The following EGFR variants were observed in gnomAD, a reference collection of about 807,000 sequenced individuals.
EGFR encodes epidermal growth factor receptor.
EGFR carries 58 observed loss-of-function variants against 143.0 expected under a neutral mutation model. The ratio of observed to expected loss-of-function variants is 0.41; its 90% CI spans 0.33 to 0.50. The LOEUF (loss-of-function observed/expected upper bound fraction) is 0.50, where lower values mean the gene tolerates loss of function less well. Ranked by LOEUF, EGFR falls within the 20% of genes least tolerant of loss-of-function variation. The pLI, the probability that EGFR is intolerant of heterozygous loss-of-function variation, is 0.39. For missense variants in EGFR, 1,307 were observed against 1,579.0 expected (o/e 0.83, Z 2.92); for synonymous variants, 613 against 594.4 (o/e 1.03, Z -0.45).
At chr7:55,194,544 G>T (rs907625697) in intron 22 of EGFR, among the ~76,000 whole-genome samples, 1 of 152,068 alleles carries the variant, frequency 6.6e-6, no homozygotes. Flanking sequence ...ATCTTTCTTT[G>T]GTCCTCCAGG....
chr7:55,019,469 C>T, intron 1 of EGFR, 104 bp downstream of exon 1: 1 of 581,582 alleles, frequency 1.7e-6, no homozygotes, highest in Non-Finnish European at 2.3e-6. Context: ...GCCCGCGCCC[C>T]CGCCCGTCCT....
At position 55,125,846 on chromosome 7, in the gene EGFR, C is replaced by T. The variant is rs558402808; in HGVS notation, c.89-16440C>T. Among the ~76,000 whole-genome samples the T allele has an allele frequency of 2.6e-5, 4 of 152,364 alleles. No individual in the cohort carries two copies. The South Asian group carries it at 8.3e-4, about 32-fold the overall frequency. On this transcript the variant is annotated intron_variant, in intron 1 of 27. Transcript: ENST00000275493. ...AAGCAGAGGCATTCTTAAAAACACA[C>T]ATCTGCACATGTTCCTCTTCATTTG...
At chr7:55,047,057 C>G (rs1788217329) in intron 1 of EGFR, among the ~76,000 whole-genome samples, 2 of 152,142 alleles carry the variant, frequency 1.3e-5, no homozygotes, top group South Asian at 4.2e-4. Flanking sequence ...GTTGAGACAC[C>G]TTGTAAAAGT....
intron 1 of EGFR, chr7:55,044,049 G>A (rs1788054573): frequency 6.6e-6 from 1 of 152,076 alleles, no homozygotes; most frequent in Non-Finnish European, 1.5e-5. Flanking sequence ...AATCAGTGGG[G>A]CCCTGGCCTT....
rs549376797 is a variant in EGFR at position 55,145,807 on chromosome 7, G to C, written c.425-799G>C. Among the ~76,000 whole-genome samples the C allele has an allele frequency of 4.6e-5, 7 of 152,326 alleles. No homozygotes were observed. The East Asian group carries it at 1.4e-3, about 29-fold the overall frequency. ...ACTGTGTCAGGGTCTCCCTGGGCAT[G>C]AGGTGGTTAGAGTGTGTGACATGTC... On this transcript the variant is annotated intron_variant, in intron 3 of 27. Coordinates refer to ENST00000275493, the MANE Select transcript of EGFR (RefSeq NM_005228.5).
chr7:55,156,417 T>C (rs1005883625), intron 8 of EGFR, 116 bp from the exon 9 acceptor site: 3 of 1,419,856 alleles, frequency 2.1e-6, no homozygotes, highest in African/African-American at 2.8e-5. Flanking sequence ...AAGGATGATG[T>C]GGCAGTGGCG....
chr7:55,077,247 T>C (rs912726012), intron 1 of EGFR, among the ~76,000 whole-genome samples: 7 of 152,170 alleles, frequency 4.6e-5, no homozygotes, highest in African/African-American at 1.2e-4. Context: ...GTGGTATTTT[T>C]AAACTGAGAC....
At chr7:55,151,454 T>G in intron 5 of EGFR, 92 bp downstream of exon 5, 1 of 1,348,384 alleles carries the variant, frequency 7.4e-7, no homozygotes, top group Non-Finnish European at 1.1e-6. Flanking sequence ...CTCTGAAGAC[T>G]CCAAAGAGTT....
At chr7:55,046,558 A>G (rs1032018117) in intron 1 of EGFR, among the ~76,000 whole-genome samples, 6 of 150,538 alleles carry the variant, frequency 4.0e-5, no homozygotes, top group Admixed American at 3.3e-4. Flanking sequence ...TGTTCCTTAG[A>G]CATGTGTTAG....
rs1171687800 is a variant in EGFR, at chr7:55,206,989, TA to T, written c.*1376del. ...TTTTAGAAGGAAAAAAGTTCCTTCC[TA>T]AAATAATTTCTCTACAATTGGAAGA... On this transcript the variant is annotated 3_prime_UTR_variant, in exon 28 of 28. Transcript: ENST00000275493. 1.3e-5 allele frequency: 3 copies of T among 233,006 alleles called. No homozygotes were observed. The highest frequency in any genetic ancestry group is 2.5e-5 in the Non-Finnish European group (3 of 117,948). The allele number at this position is 233,006 out of a possible 1,614,324, so 14.4% of individuals were successfully genotyped here.
intron 1 of EGFR, 64 bp from the exon 2 acceptor site, chr7:55,142,222 T>G (rs2128925990): frequency 3.1e-6 from 5 of 1,587,874 alleles, no homozygotes; most frequent in Non-Finnish European, 3.5e-6. Flanking sequence ...CCTTGAGGGA[T>G]TGTTTTATTT....
intron 1 of EGFR, among the ~76,000 whole-genome samples, chr7:55,024,856 A>T (rs550494843): frequency 6.6e-6 from 1 of 152,164 alleles, no homozygotes; most frequent in African/African-American, 2.4e-5. Context: ...CAATGACGGA[A>T]CTCTTCCCAG....
intron 1 of EGFR, among the ~76,000 whole-genome samples, chr7:55,135,896 T>C (rs923658447): frequency 7.4e-6 from 1 of 135,406 alleles, no homozygotes; most frequent in Non-Finnish European, 1.7e-5. Flanking sequence ...TTTTGTAAAT[T>C]TTTTACAGAT....
At chr7:55,180,918 T>A (rs1786832652) in intron 19 of EGFR, 1 of 350,692 alleles carries the variant, frequency 2.9e-6, no homozygotes, top group African/African-American at 2.1e-5. Flanking sequence ...CATGATATTT[T>A]AAAACACAGC....
rs763193362 is a variant in EGFR, at chr7:55,173,082, C to A, written c.2019C>A (p.Ile673=). 3 of 1,612,834 alleles carry A rather than the reference C, an allele frequency of 1.9e-6. No individual in the cohort carries two copies. Among genetic ancestry groups the A allele is most frequent in the African/African-American group, 2.7e-5 (2 of 74,916 alleles). The change falls in exon 17 of 28, where the codon ATC becomes ATA. Residue 673 remains isoleucine, a synonymous_variant. Coordinates refer to ENST00000275493, the MANE Select transcript of EGFR (RefSeq NM_005228.5). ...GCCTCTTCATGCGAAGGCGCCACAT[C>A]GTTCGGAAGCGCACGCTGCGGAGGC... The part of the protein sequence containing the change: ...GIGLFMRRRH[I]VRKRTLRRLL...
At chr7:55,104,096 T>C (rs916584141) in intron 1 of EGFR, among the ~76,000 whole-genome samples, 2 of 152,336 alleles carry the variant, frequency 1.3e-5, no homozygotes, top group African/African-American at 4.8e-5. Flanking sequence ...AGAAGCAGTG[T>C]TGGGCAGCAC....
At chr7:55,155,750 A>G (rs1325757959) in intron 7 of EGFR, 80 bp from the exon 8 acceptor site, 2 of 1,080,918 alleles carry the variant, frequency 1.9e-6, no homozygotes, top group Non-Finnish European at 1.4e-6. Flanking sequence ...ATCACCCCTC[A>G]AGAGGACCTG....
At chr7:55,149,508 T>C (rs955291933) in intron 4 of EGFR, among the ~76,000 whole-genome samples, 4 of 152,180 alleles carry the variant, frequency 2.6e-5, no homozygotes, top group Non-Finnish European at 5.9e-5. Context: ...GGGTTCCTTT[T>C]GCTTTTAAAC....
At chr7:55,056,179 G>T (rs1788806218) in intron 1 of EGFR, among the ~76,000 whole-genome samples, 1 of 152,132 alleles carries the variant, frequency 6.6e-6, no homozygotes, top group Non-Finnish European at 1.5e-5. Context: ...AGCAATTTTG[G>T]TGGTTTAAGA....
Sources: gnomAD v4.1 joint callset for allele counts (sites outside exome capture counted in the v4.1 genomes callset) on GRCh38, gnomAD v4.1.1 for gene constraint, MANE v1.5 for transcripts, NCBI Gene and HGNC (gene_info 2026-07-23, HGNC 2026-07-21) for gene names.